Variants in PDE4D observed in about 807,000 individuals in gnomAD.
The protein encoded by PDE4D is phosphodiesterase 4D, also known as 3',5'-cyclic-AMP phosphodiesterase 4D.
PDE4D carries 24 observed loss-of-function variants against 87.4 expected under a neutral mutation model. The observed-to-expected ratio is 0.27, with a 90% CI of 0.20 to 0.39. The LOEUF (loss-of-function observed/expected upper bound fraction) is 0.39. PDE4D is among the 10% of genes least tolerant of loss of function. The pLI is 1.00. For synonymous variants in PDE4D, 384 were observed against 383.2 expected, an observed-to-expected ratio of 1.00 and a Z score of -0.02; for missense variants, 714 against 1,041.0, an observed-to-expected ratio of 0.69 and a Z score of 4.32.
At chr5:59,033,159 C>A (rs1419905517) in intron 6 of PDE4D, among the ~76,000 whole-genome samples, 1 of 152,150 alleles carries the variant, frequency 6.6e-6, no homozygotes, top group East Asian at 1.9e-4. Flanking sequence ...AGATAATAAA[C>A]CTATTGTCAT....
At chr5:60,296,168 G>A (rs184528920) in intron 1 of PDE4D, among the ~76,000 whole-genome samples, 151 of 152,250 alleles carry the variant, frequency 9.9e-4, no homozygotes, top group Non-Finnish European at 1.6e-3. Flanking sequence ...ATTTTGGAGG[G>A]ACACAAACAT....
chr5:59,846,960 C>T (rs7730821), intron 1 of PDE4D, among the ~76,000 whole-genome samples: 34,053 of 151,864 alleles, frequency 0.22, 4,861 homozygotes, highest in Admixed American at 0.34. Context: ...GCAAGGGCTG[C>T]GAGTTTTCAA....
chr5:59,238,190 C>A (rs1251388123), intron 1 of PDE4D, among the ~76,000 whole-genome samples: 2 of 152,044 alleles, frequency 1.3e-5, no homozygotes, highest in Non-Finnish European at 2.9e-5. Flanking sequence ...TAGAATTATG[C>A]CTGGTGTGTG....
chr5:59,449,212 C>T (rs1270303387), intron 1 of PDE4D, among the ~76,000 whole-genome samples: 1 of 152,198 alleles, frequency 6.6e-6, no homozygotes, highest in Non-Finnish European at 1.5e-5. Context: ...CTGCTTTGTA[C>T]ATGTTGCTGG....
intron 1 of PDE4D, among the ~76,000 whole-genome samples, chr5:59,254,593 C>T (rs1156330910): frequency 6.6e-6 from 1 of 152,006 alleles, no homozygotes; most frequent in East Asian, 1.9e-4. Context: ...TCAGAGGAGT[C>T]CAGGAAAATA....
chr5:60,002,955 G>A (rs1764147641), intron 2 of PDE4D, among the ~76,000 whole-genome samples: 1 of 151,802 alleles, frequency 6.6e-6, no homozygotes, highest in African/African-American at 2.4e-5. Flanking sequence ...GAAATAAAAG[G>A]CATCCAAATT....
At chr5:59,697,569 A>G (rs563054175) in intron 1 of PDE4D, among the ~76,000 whole-genome samples, 1 of 152,352 alleles carries the variant, frequency 6.6e-6, no homozygotes, top group East Asian at 1.9e-4. Context: ...ACCAATGAAC[A>G]AAGTTTCACT....
At chr5:59,830,404 T>C (rs949169721) in intron 1 of PDE4D, among the ~76,000 whole-genome samples, 14 of 152,138 alleles carry the variant, frequency 9.2e-5, no homozygotes, top group African/African-American at 2.4e-5. Flanking sequence ...TCAAAATTAG[T>C]AATTTCTAAA....
intron 2 of PDE4D, among the ~76,000 whole-genome samples, chr5:59,990,645 T>C (rs750224460): frequency 1.1e-4 from 16 of 152,212 alleles, no homozygotes; most frequent in Non-Finnish European, 1.9e-4. Context: ...AAAACATCAA[T>C]AATAATGACT....
intron 1 of PDE4D, among the ~76,000 whole-genome samples, chr5:60,334,039 A>G (rs1006902683): frequency 6.6e-6 from 1 of 152,194 alleles, no homozygotes; most frequent in African/African-American, 2.4e-5. Context: ...AATATCAATC[A>G]ACACACAGCT....
At chr5:59,326,434 GC>G (rs570831598) in intron 1 of PDE4D, among the ~76,000 whole-genome samples, 7 of 150,274 alleles carry the variant, frequency 4.7e-5, no homozygotes, top group African/African-American at 1.2e-4. Flanking sequence ...CTATAGAGTA[GC>G]CCCCCCCAAG....
chr5:59,752,539 C>T (rs1760625379), intron 1 of PDE4D, among the ~76,000 whole-genome samples: 1 of 152,126 alleles, frequency 6.6e-6, no homozygotes, highest in Non-Finnish European at 1.5e-5. Flanking sequence ...AGAACTGGTT[C>T]TCCCCTTCAC....
intron 1 of PDE4D, among the ~76,000 whole-genome samples, chr5:59,611,338 T>A (rs1002198633): frequency 6.6e-6 from 1 of 152,074 alleles, no homozygotes; most frequent in Non-Finnish European, 1.5e-5. Context: ...CTTAATGACC[T>A]CCCAAAGCCC....
chr5:60,201,090 G>A (rs1741847285), intron 1 of PDE4D, among the ~76,000 whole-genome samples: 1 of 143,918 alleles, frequency 6.9e-6, no homozygotes, highest in African/African-American at 2.5e-5. Context: ...TGTGTTTAAA[G>A]TGCTAGCTAA....
rs556328474 is a variant in PDE4D, at chr5:59,302,270, A to C, written c.456-86302T>G. On this transcript the variant is annotated intron_variant, in intron 1 of 14. Coordinates refer to ENST00000340635, the MANE Select transcript of PDE4D (RefSeq NM_001104631.2). ...ATACAGTAACTCTATAAAAGCCTTG[A>C]ACCAATGATCAAGCGGGGCACTCAA... is the stretch of plus-strand genomic sequence containing the variant. Among the ~76,000 whole-genome samples the C allele has an allele frequency of 2.0e-5, 3 of 152,326 alleles. No homozygotes were observed. In the East Asian group the frequency reaches 5.8e-4, roughly 29 times the overall value.
chr5:60,254,038 T>C (rs1226527328), intron 1 of PDE4D, among the ~76,000 whole-genome samples: 1 of 151,986 alleles, frequency 6.6e-6, no homozygotes, highest in Non-Finnish European at 1.5e-5. Flanking sequence ...ATCTTAGATA[T>C]ACCTCTTCTT....
At chr5:59,577,190 G>T (rs763583588) in intron 1 of PDE4D, among the ~76,000 whole-genome samples, 3 of 152,150 alleles carry the variant, frequency 2.0e-5, no homozygotes, top group African/African-American at 7.2e-5. Context: ...AAATGTATAG[G>T]TTGCATATGG....
intron 1 of PDE4D, among the ~76,000 whole-genome samples, chr5:59,322,475 C>G (rs1045394014): frequency 1.3e-5 from 2 of 152,084 alleles, no homozygotes; most frequent in East Asian, 3.9e-4. Flanking sequence ...AAGGAGGTCA[C>G]ACAAATGGAG....
At chr5:59,653,639 AT>A (rs1475001404) in intron 1 of PDE4D, among the ~76,000 whole-genome samples, 3 of 152,216 alleles carry the variant, frequency 2.0e-5, no homozygotes, top group Non-Finnish European at 4.4e-5. Context: ...AACACTTCCT[AT>A]TAGCAATTAT....
Sources: gnomAD v4.1 joint callset for allele counts (sites outside exome capture counted in the v4.1 genomes callset) on GRCh38, gnomAD v4.1.1 for gene constraint, MANE v1.5 for transcripts, NCBI Gene and HGNC (gene_info 2026-07-23, HGNC 2026-07-21) for gene names.